The following CACHD1 variants were observed in gnomAD, a reference collection of about 807,000 sequenced individuals.
The protein encoded by CACHD1 is VWFA and cache domain-containing protein 1.
In CACHD1, 71 loss-of-function variants were observed where a neutral mutation model predicts 138.7. That is an observed-to-expected ratio of 0.51 (90% CI 0.42 to 0.62). The LOEUF is 0.62. CACHD1 is among the 20% of genes least tolerant of loss of function. CACHD1 has a pLI of 0.00. For missense variants in CACHD1, 1,389 were observed against 1,625.3 expected, an observed-to-expected ratio of 0.85 and a Z score of 2.50; for synonymous variants, 578 against 591.5, an observed-to-expected ratio of 0.98 and a Z score of 0.33.
chr1:64,567,143 A>G (rs1276175446), intron 2 of CACHD1, among the ~76,000 whole-genome samples: 2 of 152,180 alleles, frequency 1.3e-5, no homozygotes, highest in East Asian at 1.9e-4. Context: ...AGTAAGTGGT[A>G]GGCAGGTGAT....
chr1:64,619,134 A>G (rs535591904), intron 4 of CACHD1, among the ~76,000 whole-genome samples: 3 of 152,312 alleles, frequency 2.0e-5, no homozygotes, highest in Admixed American at 1.3e-4. Context: ...GGCTGATGAC[A>G]TAAGAACCAG....
chr1:64,635,316 T>C (rs1024067792), intron 7 of CACHD1, among the ~76,000 whole-genome samples: 3 of 151,962 alleles, frequency 2.0e-5, no homozygotes, highest in Non-Finnish European at 4.4e-5. Context: ...GATCCTTCCT[T>C]CTTCTAACCA....
At chr1:64,599,037 G>T (rs1647188566) in intron 3 of CACHD1, among the ~76,000 whole-genome samples, 1 of 151,782 alleles carries the variant, frequency 6.6e-6, no homozygotes, top group Non-Finnish European at 1.5e-5. Context: ...AGAGGTCTCA[G>T]AGAGCTGCCT....
intron 1 of CACHD1, 33 bp from the exon 2 acceptor site, chr1:64,550,561 G>GA: frequency 6.6e-7 from 1 of 1,518,532 alleles, no homozygotes; most frequent in Non-Finnish European, 9.1e-7. Flanking sequence ...GACTTATTTA[G>GA]AAAATCTCAT....
At chr1:64,653,386 TAAAAAAAAAA>T (rs60661882) in intron 10 of CACHD1, among the ~76,000 whole-genome samples, 1 of 108,476 alleles carries the variant, frequency 9.2e-6, no homozygotes, top group African/African-American at 3.1e-5. Context: ...TAAAAGAAGT[TAAAAAAAAAA>T]AAAAAAAAAA....
chr1:64,570,084 G>C (rs1646914530), intron 2 of CACHD1, among the ~76,000 whole-genome samples: 2 of 152,136 alleles, frequency 1.3e-5, no homozygotes, highest in Non-Finnish European at 2.9e-5. Flanking sequence ...ATCTGTACTG[G>C]CAGAATGAGT....
chr1:64,499,783 ATGT>A (rs1184438952), intron 1 of CACHD1, among the ~76,000 whole-genome samples: 1 of 152,194 alleles, frequency 6.6e-6, no homozygotes, highest in African/African-American at 2.4e-5. Context: ...ATCATTAGAG[ATGT>A]TGTTGATTAA....
At chr1:64,474,795 C>G (rs1570287291) in intron 1 of CACHD1, among the ~76,000 whole-genome samples, 1 of 152,382 alleles carries the variant, frequency 6.6e-6, no homozygotes, top group Non-Finnish European at 1.5e-5. Flanking sequence ...GGCTTCCTAA[C>G]AGCAAGGGCC....
At chr1:64,578,567 G>A (rs1190630423) in intron 2 of CACHD1, among the ~76,000 whole-genome samples, 4 of 152,182 alleles carry the variant, frequency 2.6e-5, no homozygotes, top group Non-Finnish European at 5.9e-5. Flanking sequence ...TTTTGACCAG[G>A]CACAGCAAGG....
intron 1 of CACHD1, among the ~76,000 whole-genome samples, chr1:64,477,634 A>AC (rs1646183154): frequency 7.6e-6 from 1 of 131,832 alleles, no homozygotes. Context: ...ATTTTATTTT[A>AC]TTTTTTTTTT....
chr1:64,597,961 A>G lies in CACHD1; in HGVS notation c.411-4845A>G, dbSNP rs140858465. Among the ~76,000 whole-genome samples, 11 of 152,306 alleles carry G rather than the reference A, an allele frequency of 7.2e-5. No individual in the cohort carries two copies. The East Asian group carries it at 1.9e-3, about 27-fold the overall frequency. ...CATTCTCCAAATCAGGGCGAATAGC[A>G]TGTTTCTTTTTATAAGTCACTTTTC... is the stretch of plus-strand genomic sequence containing the variant. On this transcript the variant is annotated intron_variant, in intron 3 of 26. Coordinates refer to ENST00000651257, the MANE Select transcript of CACHD1 (RefSeq NM_020925.4).
chr1:64,489,079 AT>A (rs1306440817), intron 1 of CACHD1, among the ~76,000 whole-genome samples: 3 of 152,012 alleles, frequency 2.0e-5, no homozygotes, highest in African/African-American at 7.2e-5. Flanking sequence ...TCCCTGGAGG[AT>A]TGTGTTTCAG....
rs889896273 is a variant in CACHD1 at position 64,652,198 on chromosome 1, A to G, written c.1428A>G (p.Gly476=). 6.2e-7 allele frequency: 1 copy of G among 1,613,070 alleles called. No homozygotes were observed. The highest frequency in any genetic ancestry group is 8.5e-7 in the Non-Finnish European group (1 of 1,179,704). ...CTGTGAGTAAACCCTGTTATTTTGG[A>G]AACCTACTTCTGGGAATTGTAGGTG... ...IMTVSKPCYF[G]NLLLGIVGVD... is the part of the protein sequence containing the mutation. The change falls in exon 10 of 27, where the codon GGA becomes GGG. Residue 476 remains glycine, a synonymous_variant. Coordinates refer to ENST00000651257, the MANE Select transcript of CACHD1 (RefSeq NM_020925.4).
At chr1:64,611,835 A>T (rs574700089) in intron 4 of CACHD1, among the ~76,000 whole-genome samples, 36 of 152,304 alleles carry the variant, frequency 2.4e-4, no homozygotes, top group Non-Finnish European at 4.9e-4. Flanking sequence ...TCGCTACCTC[A>T]TTGCCAATTT....
rs151337548 is a variant in CACHD1 at position 64,569,181 on chromosome 1, G to A, written c.262-12975G>A. Among the ~76,000 whole-genome samples, 193 of 152,078 alleles carry A rather than the reference G, an allele frequency of 1.3e-3. 3 individuals carry two copies. The East Asian group carries it at 0.029, about 23-fold the overall frequency. ...GGTGATCCACCCACCTCAGCCTCCC[G>A]AAGTGCTGGGATTACAGGCATGAGC... is the stretch of plus-strand genomic sequence containing the variant. On this transcript the variant is annotated intron_variant, in intron 2 of 26. Coordinates refer to ENST00000651257, the MANE Select transcript of CACHD1 (RefSeq NM_020925.4).
intron 3 of CACHD1, among the ~76,000 whole-genome samples, chr1:64,586,571 C>G (rs2100547224): frequency 6.6e-6 from 1 of 152,080 alleles, no homozygotes; most frequent in South Asian, 2.1e-4. Context: ...CTTTGGAAGT[C>G]ACTTATTCTG....
At chr1:64,504,136 C>T (rs904345922) in intron 1 of CACHD1, among the ~76,000 whole-genome samples, 1 of 152,170 alleles carries the variant, frequency 6.6e-6, no homozygotes, top group East Asian at 1.9e-4. Flanking sequence ...TCTAGCGATC[C>T]TCCCACCTCA....
intron 26 of CACHD1, among the ~76,000 whole-genome samples, chr1:64,684,940 A>G (rs1570483942): frequency 1.3e-5 from 2 of 152,086 alleles, no homozygotes; most frequent in South Asian, 4.2e-4. Flanking sequence ...CTCCCAAGTA[A>G]CTGGGATTAC....
intron 13 of CACHD1, 84 bp from the exon 14 acceptor site, chr1:64,663,611 T>C: frequency 1.3e-6 from 2 of 1,520,244 alleles, no homozygotes; most frequent in Admixed American, 1.9e-5. Flanking sequence ...AGCTGACAGA[T>C]TGGCAGAGCC....
Sources: gnomAD v4.1 joint callset for allele counts (sites outside exome capture counted in the v4.1 genomes callset) on GRCh38, gnomAD v4.1.1 for gene constraint, MANE v1.5 for transcripts, NCBI Gene and HGNC (gene_info 2026-07-23, HGNC 2026-07-21) for gene names.